The following CHAT variants were observed in gnomAD, a reference collection of about 807,000 sequenced individuals.
CHAT encodes acetyl CoA:choline O-acetyltransferase.
In CHAT, 61 loss-of-function variants were observed where a neutral mutation model predicts 76.9. The ratio of observed to expected loss-of-function variants is 0.79; its 90% CI spans 0.65 to 0.98. The LOEUF (loss-of-function observed/expected upper bound fraction) is 0.98, where lower values mean the gene tolerates loss of function less well. Among genes scored for constraint, CHAT ranks in the 50% least tolerant of loss-of-function variants. The probability of loss-of-function intolerance (pLI) is 0.00; values close to 1 mark genes in which losing one functional copy is unlikely to be tolerated. For missense variants in CHAT, 946 were observed against 986.9 expected (o/e 0.96, Z 0.56); for synonymous variants, 407 against 397.4 (o/e 1.02, Z -0.29).
chr10:49,643,826 C>T (rs906085801), intron 7 of CHAT, among the ~76,000 whole-genome samples: 1 of 152,224 alleles, frequency 6.6e-6, no homozygotes, highest in African/African-American at 2.4e-5. Context: ...AGTCCATTAC[C>T]CAGCATGGAC....
chr10:49,616,263 G>C (rs1838489194), intron 1 of CHAT, among the ~76,000 whole-genome samples: 1 of 152,166 alleles, frequency 6.6e-6, no homozygotes, highest in Admixed American at 6.5e-5. Context: ...ACTCATGAGA[G>C]CAGACCCTCA....
rs374870408 is a variant in CHAT, at chr10:49,627,760, C to G, written c.1086C>G (p.Ala362=). ...CGTCTGACGGGAGGAGCGAGTGGGCCGAGGCCAGGACGGTCCTCGTGAAAG... is the reference window on the plus strand; with the variant it reads ...CGTCTGACGGGAGGAGCGAGTGGGCGGAGGCCAGGACGGTCCTCGTGAAAG... The part of the protein sequence containing the change: ...LLTSDGRSEW[A]EARTVLVKDS... The change falls in exon 7 of 15, where the codon GCC becomes GCG. Residue 362 remains alanine (A), a synonymous_variant. Transcript: ENST00000337653. 2 of 1,613,914 alleles carry G rather than the reference C, an allele frequency of 1.2e-6. No homozygotes were observed. Among genetic ancestry groups the G allele is most frequent in the South Asian group, 1.1e-5 (1 of 91,068 alleles).
At chr10:49,618,159 C>T (rs1838567680) in intron 2 of CHAT, among the ~76,000 whole-genome samples, 1 of 152,188 alleles carries the variant, frequency 6.6e-6, no homozygotes, top group Non-Finnish European at 1.5e-5. Flanking sequence ...AATTATGTCT[C>T]TTATCCAAAG....
At position 49,619,756 on chromosome 10, in the gene CHAT, A is replaced by C. The variant is rs991870744; in HGVS notation, c.419A>C (p.Gln140Pro). The change falls in exon 3 of 15, where the codon CAG becomes CCG. Residue 140 changes from glutamine to proline, a missense_variant. By Grantham distance (76) the Gln-to-Pro change is moderately conservative. This residue lies in a region of CHAT where 548 missense variants were observed against 516.2 expected (regional missense o/e 1.06). Coordinates refer to ENST00000337653, the MANE Select transcript of CHAT (RefSeq NM_020549.5). Reference protein sequence around the residue: ...GLPKLPVPPLQQTLATYLQCM... With the variant: ...GLPKLPVPPLPQTLATYLQCM... ...CCCAAACTGCCCGTGCCCCCGCTGC[A>C]GCAGACCCTGGCCACGTACCTGCAG... The C allele has an allele frequency of 2.5e-6, 4 of 1,613,430 alleles. No individual in the cohort carries two copies. Among genetic ancestry groups the C allele is most frequent in the South Asian group, 2.2e-5 (2 of 91,052 alleles).
intron 13 of CHAT, among the ~76,000 whole-genome samples, chr10:49,656,072 A>G (rs1268493050): frequency 6.6e-6 from 1 of 152,214 alleles, no homozygotes; most frequent in Non-Finnish European, 1.5e-5. Context: ...AGTCATTCTA[A>G]TACAGTCTTT....
intron 7 of CHAT, among the ~76,000 whole-genome samples, chr10:49,640,499 G>GT (rs1281751173): frequency 1.5e-5 from 2 of 132,500 alleles, no homozygotes; most frequent in African/African-American, 5.1e-5. Context: ...TTACTGCAGG[G>GT]TTGGGGGGTG....
At chr10:49,615,794 G>A in intron 1 of CHAT, 2 of 548,272 alleles carry the variant, frequency 3.6e-6, no homozygotes, top group Non-Finnish European at 6.4e-6. Context: ...GCCCCTAGGG[G>A]CCCTGGCTGC....
chr10:49,615,335 C>T (rs1838450206), intron 1 of CHAT, among the ~76,000 whole-genome samples: 1 of 152,240 alleles, frequency 6.6e-6, no homozygotes, highest in Admixed American at 6.5e-5. Flanking sequence ...CCTACGAACC[C>T]ACAGCACTGG....
At chr10:49,641,777 T>C (rs1023407605) in intron 7 of CHAT, among the ~76,000 whole-genome samples, 1 of 152,210 alleles carries the variant, frequency 6.6e-6, no homozygotes. Flanking sequence ...CATAGAAATC[T>C]GACTTGTGCT....
chr10:49,617,350 C>A (rs1339977755), intron 2 of CHAT, among the ~76,000 whole-genome samples: 1 of 152,192 alleles, frequency 6.6e-6, no homozygotes, highest in Non-Finnish European at 1.5e-5. Flanking sequence ...GCTGTGGCTT[C>A]CTTCAGAGCA....
At chr10:49,609,811 GCTCCACAATC>G (rs1309214675), upstream of CHAT, among the ~76,000 whole-genome samples, 3 of 152,186 alleles carry the variant, frequency 2.0e-5, no homozygotes, top group African/African-American at 7.2e-5. Context: ...TCCGGACGCG[GCTCCACAATC>G]CAGCTGCGAG....
chr10:49,659,609 C>T (rs1366680229), intron 13 of CHAT, among the ~76,000 whole-genome samples: 2 of 152,200 alleles, frequency 1.3e-5, no homozygotes, highest in Non-Finnish European at 2.9e-5. Flanking sequence ...TGCCTGTAAT[C>T]CTAGCACCTT....
rs185884453 is a variant in CHAT, at chr10:49,626,990, G to C, written c.934-618G>C. ...AATCTTCCTCTGCATATGATTGCTG[G>C]CTTGCTTTTTTTCCTCCACTCACCA... On this transcript the variant is annotated intron_variant, in intron 6 of 14. Coordinates refer to ENST00000337653, the MANE Select transcript of CHAT (RefSeq NM_020549.5). Among the ~76,000 whole-genome samples, 228 of 152,358 alleles carry C rather than the reference G, an allele frequency of 1.5e-3. 2 individuals are homozygous for C. Among genetic ancestry groups the C allele is most frequent in the Admixed American group, 5.5e-3 (84 of 15,306 alleles).
intron 7 of CHAT, among the ~76,000 whole-genome samples, chr10:49,641,675 G>C (rs993754718): frequency 3.9e-5 from 6 of 152,164 alleles, no homozygotes; most frequent in African/African-American, 1.4e-4. Flanking sequence ...AAGATGCTGA[G>C]ATAGGATTGG....
chr10:49,612,836 C>A, upstream of CHAT: 1 of 157,400 alleles, frequency 6.4e-6, no homozygotes. Context: ...AACACGTAGG[C>A]ACCTGTAGCT....
At chr10:49,621,148 G>A (rs1365087413) in intron 4 of CHAT, among the ~76,000 whole-genome samples, 1 of 152,226 alleles carries the variant, frequency 6.6e-6, no homozygotes, top group Non-Finnish European at 1.5e-5. Flanking sequence ...TGGGTGCAGG[G>A]AGAAAGGGTT....
chr10:49,631,622 G>A (rs1254733217), intron 7 of CHAT, among the ~76,000 whole-genome samples: 1 of 152,228 alleles, frequency 6.6e-6, no homozygotes, highest in East Asian at 1.9e-4. Flanking sequence ...TCAGTGACAT[G>A]AGATGTGTTC....
At chr10:49,657,823 G>A (rs992446695) in intron 13 of CHAT, among the ~76,000 whole-genome samples, 3 of 152,322 alleles carry the variant, frequency 2.0e-5, no homozygotes, top group East Asian at 1.9e-4. Flanking sequence ...CACAGTGAAA[G>A]AGCCTAGTCA....
At chr10:49,648,179 C>A (rs1439492210) in intron 8 of CHAT, among the ~76,000 whole-genome samples, 1 of 152,144 alleles carries the variant, frequency 6.6e-6, no homozygotes, top group Non-Finnish European at 1.5e-5. Context: ...GGCTGAAGGG[C>A]CTCACCCAGG....
Sources: allele counts gnomAD v4.1 joint callset (sites outside exome capture counted in the v4.1 genomes callset), GRCh38; gene constraint gnomAD v4.1.1; regional missense constraint gnomAD v4.1.1; transcripts MANE v1.5; gene names NCBI Gene and HGNC (gene_info 2026-07-23, HGNC 2026-07-21).